IRF4: variants seen among roughly 807,000 people sequenced by gnomAD.
IRF4 encodes interferon regulatory factor 4, also known as lymphocyte-specific interferon regulatory factor.
In IRF4, 13 loss-of-function variants were observed where a neutral mutation model predicts 55.5. The ratio of observed to expected loss-of-function variants is 0.23; its 90% CI spans 0.15 to 0.37. The LOEUF (loss-of-function observed/expected upper bound fraction) is 0.37, where lower values mean the gene tolerates loss of function less well. Among genes scored for constraint, IRF4 ranks in the 10% least tolerant of loss-of-function variants. IRF4 has a pLI of 1.00. For missense variants in IRF4, 397 were observed against 593.8 expected, an observed-to-expected ratio of 0.67 and a Z score of 3.44; for synonymous variants, 249 against 240.7, an observed-to-expected ratio of 1.03 and a Z score of -0.32.
At chr6:404,719 C>A (rs1285894481) in intron 7 of IRF4, among the ~76,000 whole-genome samples, 1 of 152,238 alleles carries the variant, frequency 6.6e-6, no homozygotes, top group African/African-American at 2.4e-5. Context: ...TCACTGTGGT[C>A]TACTACCTTT....
At position 407,569 on chromosome 6, in the gene IRF4, T is replaced by C; in HGVS notation, c.1327T>C (p.Ser443Pro). 1.2e-6 allele frequency: 2 copies of C among 1,610,504 alleles called. No individual in the cohort carries two copies. Among genetic ancestry groups the C allele is most frequent in the Non-Finnish European group, 1.7e-6 (2 of 1,179,124 alleles). Residue 443 changes from serine to proline, a missense_variant, in exon 9 of 9, where the codon TCT (serine) becomes CCT (proline). Transcript: ENST00000380956. ...HISNPEDYHR[S>P]IRHSSIQE ...CAGCAATCCAGAAGATTACCACAGATCTATCCGCCATTCCTCTATTCAAGA... is the reference window on the plus strand; with the variant it reads ...CAGCAATCCAGAAGATTACCACAGACCTATCCGCCATTCCTCTATTCAAGA...
intron 6 of IRF4, among the ~76,000 whole-genome samples, chr6:401,092 A>C (rs953163072): frequency 6.6e-6 from 1 of 152,224 alleles, no homozygotes; most frequent in African/African-American, 2.4e-5. Flanking sequence ...TTCAACTTAC[A>C]TTTCCAGAAA....
chr6:395,006 A>C lies in IRF4; in HGVS notation c.402A>C (p.Lys134Asn). The change falls in exon 3 of 9, where the codon AAA becomes AAC. Residue 134 changes from lysine (K) to asparagine (N), a missense_variant and splice_region_variant. Transcript: ENST00000380956. The part of the protein sequence containing the change: ...VYRIVPEGAK[K>N]GAKQLTLEDP... ...GGATTGTTCCTGAGGGAGCCAAAAAAGGTAGGGGCTCTCCTGAATTTGGGT... is the reference window on the plus strand; with the variant it reads ...GGATTGTTCCTGAGGGAGCCAAAAACGGTAGGGGCTCTCCTGAATTTGGGT... 1 of 1,588,550 alleles carries C rather than the reference A, an allele frequency of 6.3e-7. No homozygotes were observed. Among genetic ancestry groups the C allele is most frequent in the East Asian group, 2.3e-5 (1 of 43,696 alleles).
chr6:392,023 G>A (rs1006780183), intron 1 of IRF4: 1 of 353,136 alleles, frequency 2.8e-6, no homozygotes, highest in South Asian at 2.1e-5. Flanking sequence ...CCTTGGCTCT[G>A]CCCGAGCCTC....
rs780511013 is a variant in IRF4 at position 395,844 on chromosome 6, T to G, written c.404-3T>G. 1 of 1,611,988 alleles carries G rather than the reference T, an allele frequency of 6.2e-7. No individual in the cohort carries two copies. The highest frequency in any genetic ancestry group is 1.3e-5 in the African/African-American group (1 of 74,900). On this transcript the variant is annotated splice_polypyrimidine_tract_variant and splice_region_variant and intron_variant, in intron 3 of 8. Coordinates refer to ENST00000380956, the MANE Select transcript of IRF4 (RefSeq NM_002460.4). Reference sequence around the variant, plus strand: ...GCCATTTCCCTTTTCCCCAAACATGTAGGAGCCAAGCAGCTCACCCTGGAG... The same window carrying G: ...GCCATTTCCCTTTTCCCCAAACATGGAGGAGCCAAGCAGCTCACCCTGGAG...
chr6:400,726 G>A (rs539907033), intron 6 of IRF4, among the ~76,000 whole-genome samples: 90 of 151,940 alleles, frequency 5.9e-4, no homozygotes, highest in African/African-American at 2.0e-3. Flanking sequence ...ATGTGAGTGT[G>A]TTTATATATA....
rs1201341649 is a variant in IRF4, at chr6:393,493, G to A, written c.216+125G>A. 5 of 613,764 alleles carry A rather than the reference G, an allele frequency of 8.1e-6. No individual in the cohort carries two copies. Among genetic ancestry groups the A allele is most frequent in the Non-Finnish European group, 1.2e-5 (5 of 419,054 alleles). 38.0% of individuals were successfully genotyped at this position (613,764 alleles called of 1,614,324 possible). ...GCGGGGCGGACGGGCGGGCGGCGGAGGCATCAGGTGGCGTCGCCGGAGCCG... is the reference window on the plus strand; with the variant it reads ...GCGGGGCGGACGGGCGGGCGGCGGAAGCATCAGGTGGCGTCGCCGGAGCCG... On this transcript the variant is annotated intron_variant, in intron 2 of 8. Transcript: ENST00000380956. This position sits in a 1 kb window ranked among gnomAD's most constrained non-coding sequence, Gnocchi z 5.4.
Position 407,621 on chromosome 6 carries a change from T to G in IRF4, c.*23T>G. The stretch of plus-strand genomic sequence containing the variant: ...TGAAAAATGTCAAGATGAGTGGTTT[T>G]CTTTTTCCTTTTTTTTTTTTTTTTT... On this transcript the variant is annotated 3_prime_UTR_variant, in exon 9 of 9. Transcript: ENST00000380956. The G allele has an allele frequency of 1.3e-6, 2 of 1,579,796 alleles. No individual in the cohort carries two copies. Among genetic ancestry groups the G allele is most frequent in the Non-Finnish European group, 1.7e-6 (2 of 1,168,058 alleles).
chr6:399,370 G>C (rs1398541374), intron 6 of IRF4, among the ~76,000 whole-genome samples: 2 of 152,090 alleles, frequency 1.3e-5, no homozygotes, highest in Non-Finnish European at 2.9e-5. Flanking sequence ...ACTCCCTGGG[G>C]ACATTAGTTC....
chr6:408,343 C>T lies in IRF4; in HGVS notation c.*745C>T, dbSNP rs929429876. Reference sequence around the variant, plus strand: ...GCCTGTAGCCTTGGGGAGGCCCATCCCCCACCTGCCAGCGGTTTCCTGGTG... The same window carrying T: ...GCCTGTAGCCTTGGGGAGGCCCATCTCCCACCTGCCAGCGGTTTCCTGGTG... On this transcript the variant is annotated 3_prime_UTR_variant, in exon 9 of 9. Transcript: ENST00000380956. 8.6e-6 allele frequency: 2 copies of T among 231,816 alleles called. No individual in the cohort carries two copies. The highest frequency in any genetic ancestry group is 1.7e-5 in the Non-Finnish European group (2 of 117,064). The allele number at this position is 231,816 out of a possible 1,614,324, so 14.4% of individuals were successfully genotyped here.
At chr6:395,099 C>T in intron 3 of IRF4, 92 bp downstream of exon 3, 1 of 1,031,902 alleles carries the variant, frequency 9.7e-7, no homozygotes, top group East Asian at 2.6e-5. Flanking sequence ...TTCTAGCTTT[C>T]CTTTTGTATT....
chr6:403,669 AC>A (rs1761466728), intron 7 of IRF4, among the ~76,000 whole-genome samples: 1 of 152,174 alleles, frequency 6.6e-6, no homozygotes, highest in Non-Finnish European at 1.5e-5. Flanking sequence ...TTCCTCTGTA[AC>A]CAAGGGCTGT....
chr6:401,881 C>G (rs761457577), intron 7 of IRF4, 104 bp downstream of exon 7: 9 of 1,007,646 alleles, frequency 8.9e-6, no homozygotes, highest in Non-Finnish European at 1.3e-5. Flanking sequence ...GGTCTTCCTC[C>G]TGTTGACTTC....
At position 398,853 on chromosome 6, in the gene IRF4, T is replaced by C; in HGVS notation, c.663T>C (p.Tyr221=). The C allele has an allele frequency of 6.2e-7, 1 of 1,613,822 alleles. No homozygotes were observed. Among genetic ancestry groups the C allele is most frequent in the Non-Finnish European group, 8.5e-7 (1 of 1,179,836 alleles). ...ENGCQVTGTF[Y]ACAPPESQAP... is the part of the protein sequence containing the mutation. ...GTTGCCAGGTGACAGGAACCTTTTATGCTTGTGCCCCACCTGAGTCCCAGG... is the reference window on the plus strand; with the variant it reads ...GTTGCCAGGTGACAGGAACCTTTTACGCTTGTGCCCCACCTGAGTCCCAGG... The change falls in exon 6 of 9, where the codon TAT becomes TAC. Residue 221 remains tyrosine (Y), a synonymous_variant. Coordinates refer to ENST00000380956, the MANE Select transcript of IRF4 (RefSeq NM_002460.4).
At position 410,569 on chromosome 6, in the gene IRF4, G is replaced by A. The variant is rs1324983518; in HGVS notation, c.*2971G>A. The A allele has an allele frequency of 2.6e-5, 6 of 230,416 alleles. No individual in the cohort carries two copies. Among genetic ancestry groups the A allele is most frequent in the African/African-American group, 1.1e-4 (5 of 45,200 alleles). The allele number at this position is 230,416 out of a possible 1,614,324, so 14.3% of individuals were successfully genotyped here. On this transcript the variant is annotated 3_prime_UTR_variant, in exon 9 of 9. Transcript: ENST00000380956. ...TGTTTGAAAAAGCTGGTCTTTGAGC[G>A]AGGGCATAAATACAGCTAGCCCCAG...
intron 8 of IRF4, 140 bp from the exon 9 acceptor site, chr6:407,315 C>T: frequency 1.3e-6 from 1 of 796,550 alleles, no homozygotes. Context: ...TTAGATGGCT[C>T]CAAATATGAA....
At chr6:397,753 G>A (rs968742589) in intron 5 of IRF4, among the ~76,000 whole-genome samples, 3 of 152,200 alleles carry the variant, frequency 2.0e-5, no homozygotes, top group Non-Finnish European at 2.9e-5. Context: ...TGCTGATTGT[G>A]GATTAGATGT....
Position 393,402 on chromosome 6 carries a change from G to C in IRF4, c.216+34G>C. ...CCTCGGGAGCCGGCGGGGGCGCGCC[G>C]GGGAGGGCCCAGAGACAGAGCCCGG... On this transcript the variant is annotated intron_variant, in intron 2 of 8. Transcript: ENST00000380956. The surrounding 1 kb of genome is among the most constrained non-coding windows in gnomAD (Gnocchi z 5.4). 1.3e-6 allele frequency: 2 copies of C among 1,499,306 alleles called. No homozygotes were observed. The highest frequency in any genetic ancestry group is 2.0e-5 in the Admixed American group (1 of 49,924). 92.9% of individuals were successfully genotyped at this position (1,499,306 alleles called of 1,614,324 possible). A position where few individuals can be genotyped will look rare whatever the true frequency, so the allele number is the denominator to read the frequency against.
chr6:392,660 C>A (rs1761136903), intron 1 of IRF4, among the ~76,000 whole-genome samples: 1 of 151,336 alleles, frequency 6.6e-6, no homozygotes, highest in South Asian at 2.1e-4. Flanking sequence ...CGCGTGGAGG[C>A]CGCCAGGGGA....
Sources: gnomAD v4.1 joint callset for allele counts (sites outside exome capture counted in the v4.1 genomes callset) on GRCh38, gnomAD v4.1.1 for gene constraint, Gnocchi (gnomAD v3.1) non-coding constraint, MANE v1.5 for transcripts, NCBI Gene and HGNC (gene_info 2026-07-23, HGNC 2026-07-21) for gene names.